CATSPERD: variants seen among roughly 807,000 people sequenced by gnomAD.
CATSPERD encodes cation channel sperm-associated auxiliary subunit delta.
Under a neutral mutation model 98.1 loss-of-function variants are expected in CATSPERD, and 86 were observed. That is an observed-to-expected ratio of 0.88 (90% CI 0.74 to 1.05). CATSPERD has a LOEUF of 1.05. Among genes scored for constraint, CATSPERD ranks in the 50% least tolerant of loss-of-function variants. The probability of loss-of-function intolerance (pLI) is 0.00; values close to 1 mark genes in which losing one functional copy is unlikely to be tolerated. For missense variants in CATSPERD, 995 were observed against 1,005.7 expected, an observed-to-expected ratio of 0.99 and a Z score of 0.14; for synonymous variants, 394 against 390.2, an observed-to-expected ratio of 1.01 and a Z score of -0.12.
At chr19:5,754,722 C>T (rs965503527) in intron 13 of CATSPERD, among the ~76,000 whole-genome samples, 9 of 151,708 alleles carry the variant, frequency 5.9e-5, no homozygotes, top group African/African-American at 1.9e-4. Flanking sequence ...TCCCCCTCGA[C>T]GTGCCTCTGC....
At position 5,778,568 on chromosome 19, in the gene CATSPERD, T is replaced by C. The variant is rs756568482; in HGVS notation, c.2289T>C (p.Cys763=). The C allele has an allele frequency of 9.3e-6, 15 of 1,613,682 alleles. No homozygotes were observed. Among genetic ancestry groups the C allele is most frequent in the Middle Eastern group, 1.6e-4 (1 of 6,062 alleles). ...TCAAGAAGTGTGCGACACAGCTGTG[T>C]AGGAGATGCAAGACGGTCTGCCAGT... ...RRIKKCATQL[C]RRCKTVCQFR... is the part of the protein sequence containing the mutation. The change falls in exon 22 of 22, where the codon TGT becomes TGC. Residue 763 remains cysteine (C), a synonymous_variant. Transcript: ENST00000381624.
chr19:5,749,268 G>T, intron 11 of CATSPERD, 85 bp downstream of exon 11: 1 of 891,368 alleles, frequency 1.1e-6, no homozygotes, highest in Non-Finnish European at 1.7e-6. Flanking sequence ...GAGGTGGAAG[G>T]ATCACCTGAG....
rs537129849 is a variant in CATSPERD at position 5,735,542 on chromosome 19, G to C, written c.391+1572G>C. Reference sequence around the variant, plus strand: ...GGATGGAGTGCAGTGGCACAATCTCGGCTCACTGCAACCTCCACCTCCCAG... The same window carrying C: ...GGATGGAGTGCAGTGGCACAATCTCCGCTCACTGCAACCTCCACCTCCCAG... On this transcript the variant is annotated intron_variant, in intron 5 of 21. Transcript: ENST00000381624. Among the ~76,000 whole-genome samples, 4 of 147,250 alleles carry C rather than the reference G, an allele frequency of 2.7e-5. No individual in the cohort carries two copies. In the East Asian group the frequency reaches 8.0e-4, roughly 29 times the overall value.
intron 15 of CATSPERD, among the ~76,000 whole-genome samples, chr19:5,762,593 TTGGGTGGA>T (rs900627267): frequency 6.6e-5 from 10 of 150,914 alleles, no homozygotes; most frequent in South Asian, 2.1e-4. Context: ...GGACGGATGG[TTGGGTGGA>T]TGGGTGGATG....
At chr19:5,774,496 C>T (rs527324676) in intron 20 of CATSPERD, among the ~76,000 whole-genome samples, 3 of 150,146 alleles carry the variant, frequency 2.0e-5, no homozygotes, top group African/African-American at 7.3e-5. Context: ...AGTTCAAGAC[C>T]AGCTTAACAT....
In CATSPERD at chr19:5,720,968, C is replaced by T. The variant is rs28648508; in HGVS notation, c.71+160C>T. 2.0e-3 allele frequency among the ~76,000 whole-genome samples: 301 copies of T among 151,976 alleles called. 2 individuals are homozygous for T. Among genetic ancestry groups the T allele is most frequent in the African/African-American group, 7.1e-3 (293 of 41,440 alleles). Reference sequence around the variant, plus strand: ...CCTCGCTCACCCTACTCCACCCCATCCTCCCAGCCCGATATTAAGCTCTCC... The same window carrying T: ...CCTCGCTCACCCTACTCCACCCCATTCTCCCAGCCCGATATTAAGCTCTCC... On this transcript the variant is annotated intron_variant, in intron 1 of 21. Transcript: ENST00000381624.
chr19:5,755,526 T>C (rs1270020624), intron 13 of CATSPERD, among the ~76,000 whole-genome samples: 1 of 152,076 alleles, frequency 6.6e-6, no homozygotes, highest in Non-Finnish European at 1.5e-5. Flanking sequence ...TTTCAGTACT[T>C]CAGGAGGCTG....
At chr19:5,748,339 A>G (rs1264579991) in intron 10 of CATSPERD, 84 bp downstream of exon 10, 1 of 1,301,018 alleles carries the variant, frequency 7.7e-7, no homozygotes, top group African/African-American at 1.5e-5. Flanking sequence ...CCCAGCCAAA[A>G]CACGAAATCA....
chr19:5,772,747 C>A, intron 19 of CATSPERD, 41 bp from the exon 20 acceptor site: 1 of 1,589,686 alleles, frequency 6.3e-7, no homozygotes, highest in South Asian at 1.2e-5. Flanking sequence ...CCTGGGTTGT[C>A]CCTGCTCCCT....
intron 12 of CATSPERD, among the ~76,000 whole-genome samples, chr19:5,753,027 CAAA>C (rs139627967): frequency 1.2e-4 from 12 of 98,930 alleles, no homozygotes; most frequent in Admixed American, 1.2e-4. Context: ...GACTCCATGT[CAAA>C]AAAAAAAAAA....
intron 2 of CATSPERD, among the ~76,000 whole-genome samples, chr19:5,725,065 A>C (rs1445247349): frequency 1.3e-5 from 2 of 152,224 alleles, no homozygotes; most frequent in Non-Finnish European, 2.9e-5. Context: ...AGATCAAGTC[A>C]TCTGAACAAC....
intron 15 of CATSPERD, among the ~76,000 whole-genome samples, chr19:5,762,377 A>G (rs1395669355): frequency 6.6e-6 from 1 of 151,906 alleles, no homozygotes; most frequent in Non-Finnish European, 1.5e-5. Context: ...TACACTTTTA[A>G]ACTATCAGAT....
At chr19:5,758,088 G>T (rs567477695) in intron 14 of CATSPERD, among the ~76,000 whole-genome samples, 156 bp downstream of exon 14, 1 of 152,102 alleles carries the variant, frequency 6.6e-6, no homozygotes, top group Admixed American at 6.6e-5. Context: ...TCAACCACAC[G>T]CTTGACCTCA....
chr19:5,756,431 C>T (rs527509045), intron 13 of CATSPERD, among the ~76,000 whole-genome samples: 23 of 152,166 alleles, frequency 1.5e-4, no homozygotes, highest in Non-Finnish European at 2.5e-4. Flanking sequence ...GTGAATCTAC[C>T]GAAAGCCACT....
In CATSPERD at chr19:5,762,058, A is replaced by ATATATATATATATATT; in HGVS notation, c.1428-1156_1428-1155insATATATATATATATTT. On this transcript the variant is annotated intron_variant, in intron 15 of 21. Coordinates refer to ENST00000381624, the MANE Select transcript of CATSPERD (RefSeq NM_152784.4). Reference sequence around the variant, plus strand: ...TGGCCTGCCATATATATATATATATATTTTTTTTTTTTTTTTTTTTTTTGA... The same window carrying ATATATATATATATATT: ...TGGCCTGCCATATATATATATATATATATATATATATATATTTTTTTTTTTTTTTTTTTTTTTTTGA... 5.7e-4 allele frequency among the ~76,000 whole-genome samples: 6 copies of ATATATATATATATATT among 10,440 alleles called. No homozygotes were observed. The East Asian group carries it at 8.7e-3, about 15-fold the overall frequency. The allele number at this position is 10,440 out of a possible 152,430, so 6.8% of individuals were successfully genotyped here. A position where few individuals can be genotyped will look rare whatever the true frequency, so the allele number is the denominator to read the frequency against.
intron 11 of CATSPERD, among the ~76,000 whole-genome samples, chr19:5,749,924 C>T (rs2056172183): frequency 6.6e-6 from 1 of 151,266 alleles, no homozygotes; most frequent in Admixed American, 6.6e-5. Flanking sequence ...CTGCCTCAGC[C>T]TCCCGAGTAG....
intron 15 of CATSPERD, among the ~76,000 whole-genome samples, chr19:5,759,793 G>A (rs1038853381): frequency 6.6e-6 from 1 of 151,532 alleles, no homozygotes; most frequent in Non-Finnish European, 1.5e-5. Context: ...AGGGAGTCCC[G>A]GGCCGGGCGC....
At position 5,771,080 on chromosome 19, in the gene CATSPERD, C is replaced by G. The variant is rs1003749884; in HGVS notation, c.1763+8C>G. 2 of 1,611,304 alleles carry G rather than the reference C, an allele frequency of 1.2e-6. No individual in the cohort carries two copies. The highest frequency in any genetic ancestry group is 1.1e-5 in the South Asian group (1 of 90,742). On this transcript the variant is annotated splice_region_variant and intron_variant, in intron 19 of 21. Transcript: ENST00000381624. ...GAAGCCCGTGGTGGAGCTGTAAGAC[C>G]CCAGGGGGGTGCTGCAGGGTGGGGA...
chr19:5,757,359 G>A (rs1280478559), intron 13 of CATSPERD, among the ~76,000 whole-genome samples: 6 of 147,732 alleles, frequency 4.1e-5, no homozygotes, highest in East Asian at 4.0e-4. Context: ...GTACAATGGC[G>A]TGATCTCAGC....
Sources: allele counts gnomAD v4.1 joint callset (sites outside exome capture counted in the v4.1 genomes callset), GRCh38; gene constraint gnomAD v4.1.1; transcripts MANE v1.5; gene names NCBI Gene and HGNC (gene_info 2026-07-23, HGNC 2026-07-21).